PARP8: variants seen among roughly 807,000 people sequenced by gnomAD.
PARP8 encodes poly(ADP-ribose) polymerase family member 8.
PARP8 carries 51 observed loss-of-function variants against 124.1 expected under a neutral mutation model. The ratio of observed to expected loss-of-function variants is 0.41; its 90% CI spans 0.33 to 0.52. The LOEUF is 0.52. PARP8 is among the 20% of genes least tolerant of loss of function. The pLI, the probability that PARP8 is intolerant of heterozygous loss-of-function variation, is 0.21. For missense variants in PARP8, 860 were observed against 1,018.9 expected, an observed-to-expected ratio of 0.84 and a Z score of 2.12; for synonymous variants, 391 against 361.5, an observed-to-expected ratio of 1.08 and a Z score of -0.93.
chr5:50,829,311 C>CT (rs1746689132), intron 21 of PARP8, among the ~76,000 whole-genome samples: 1 of 152,062 alleles, frequency 6.6e-6, no homozygotes, highest in African/African-American at 2.4e-5. Flanking sequence ...AGCTAGATCT[C>CT]ATATTATGAT....
At chr5:50,708,039 C>G (rs573838577) in intron 2 of PARP8, among the ~76,000 whole-genome samples, 40 of 152,148 alleles carry the variant, frequency 2.6e-4, no homozygotes, top group African/African-American at 9.1e-4. Context: ...TTTTCTTCTA[C>G]TTTTTATTTT....
chr5:50,677,614 AT>A (rs1055129232), intron 2 of PARP8, among the ~76,000 whole-genome samples: 2 of 151,752 alleles, frequency 1.3e-5, no homozygotes, highest in African/African-American at 2.4e-5. Context: ...TTTTAAACTT[AT>A]TTTTTTTGTA....
At chr5:50,769,228 A>G (rs1235534136) in intron 7 of PARP8, among the ~76,000 whole-genome samples, 5 of 152,152 alleles carry the variant, frequency 3.3e-5, no homozygotes, top group Non-Finnish European at 7.4e-5. Context: ...TGTTGAAGTA[A>G]TCTGAAAAAC....
intron 2 of PARP8, chr5:50,742,013 T>A: frequency 3.3e-6 from 1 of 305,516 alleles, no homozygotes; most frequent in Non-Finnish European, 6.4e-6. Context: ...TTTTGCCATA[T>A]TGGCCAGGCT....
intron 1 of PARP8, chr5:50,667,571 G>C: frequency 1.4e-6 from 1 of 698,592 alleles, no homozygotes; most frequent in Non-Finnish European, 2.6e-6. Context: ...GCGGCGGCCG[G>C]GAATGGAGCC....
intron 2 of PARP8, among the ~76,000 whole-genome samples, chr5:50,684,366 G>A (rs957582230): frequency 6.6e-6 from 1 of 152,130 alleles, no homozygotes. Flanking sequence ...TTGATCTTAG[G>A]GGGGCTGATT....
intron 2 of PARP8, among the ~76,000 whole-genome samples, chr5:50,713,355 C>A (rs1259503090): frequency 6.6e-6 from 1 of 152,012 alleles, no homozygotes; most frequent in Non-Finnish European, 1.5e-5. Context: ...GTTCTCCCAC[C>A]TCAGCCCTCC....
At chr5:50,747,151 TTTG>T (rs1216466044) in intron 2 of PARP8, among the ~76,000 whole-genome samples, 9 of 16,752 alleles carry the variant, frequency 5.4e-4, no homozygotes, top group South Asian at 1.6e-3. Context: ...GTTTTTTTTG[TTTG>T]TTTGTTTTGT....
intron 12 of PARP8, among the ~76,000 whole-genome samples, chr5:50,796,482 G>T (rs1257140650): frequency 6.6e-6 from 1 of 152,122 alleles, no homozygotes; most frequent in Non-Finnish European, 1.5e-5. Context: ...TCCCATGTTA[G>T]CTTCATCCAA....
intron 2 of PARP8, among the ~76,000 whole-genome samples, chr5:50,678,462 A>G (rs955339104): frequency 2.0e-5 from 3 of 152,174 alleles, no homozygotes; most frequent in South Asian, 2.1e-4. Flanking sequence ...AAGGATATCT[A>G]TGTCTCTCTT....
In PARP8 at chr5:50,821,424, C is replaced by T. The variant is rs1201784521; in HGVS notation, c.1794+86C>T. ...AGATTGTAGTCTCATTAGGTTTCCT[C>T]TTTCTATCTAAATCTCTATCTCATC... is the stretch of plus-strand genomic sequence containing the variant. On this transcript the variant is annotated intron_variant, in intron 16 of 25. Coordinates refer to ENST00000281631, the MANE Select transcript of PARP8 (RefSeq NM_024615.4). 1.1e-5 allele frequency: 16 copies of T among 1,423,888 alleles called. No individual in the cohort carries two copies. The Admixed American group carries it at 2.9e-4, about 25-fold the overall frequency. The allele number at this position is 1,423,888 out of a possible 1,614,324, so 88.2% of individuals were successfully genotyped here.
At chr5:50,791,526 A>G (rs762917733) in intron 10 of PARP8, among the ~76,000 whole-genome samples, 1 of 152,200 alleles carries the variant, frequency 6.6e-6, no homozygotes, top group Non-Finnish European at 1.5e-5. Flanking sequence ...TTGAATGAAT[A>G]TTGAGAGAAT....
intron 9 of PARP8, among the ~76,000 whole-genome samples, chr5:50,779,152 A>G (rs1029704598): frequency 6.6e-6 from 1 of 152,000 alleles, no homozygotes; most frequent in African/African-American, 2.4e-5. Flanking sequence ...TTTACTTGGT[A>G]AAATGTTTTT....
intron 3 of PARP8, among the ~76,000 whole-genome samples, chr5:50,753,284 G>A (rs1240838112): frequency 6.6e-6 from 1 of 151,978 alleles, no homozygotes; most frequent in Admixed American, 6.6e-5. Flanking sequence ...CTTATCCCTA[G>A]TAGAGGAATG....
chr5:50,806,800 A>G (rs1295140580), intron 14 of PARP8, among the ~76,000 whole-genome samples: 1 of 152,092 alleles, frequency 6.6e-6, no homozygotes, highest in Non-Finnish European at 1.5e-5. Flanking sequence ...TTGTATTTAC[A>G]TTGCAATATA....
intron 2 of PARP8, among the ~76,000 whole-genome samples, chr5:50,726,192 C>A (rs186444129): frequency 4.9e-4 from 74 of 151,952 alleles, no homozygotes; most frequent in African/African-American, 1.8e-3. Flanking sequence ...CTTTAATTCC[C>A]TTAGTAGCAC....
intron 4 of PARP8, 54 bp from the exon 5 acceptor site, chr5:50,760,238 G>T: frequency 2.2e-6 from 3 of 1,340,912 alleles, no homozygotes; most frequent in Non-Finnish European, 3.0e-6. Flanking sequence ...ATGAATGCTT[G>T]GTAAATAGCA....
chr5:50,825,079 C>T (rs1561436002), intron 18 of PARP8, 104 bp downstream of exon 18: 2 of 926,832 alleles, frequency 2.2e-6, no homozygotes, highest in African/African-American at 1.7e-5. Context: ...CTTACAAGCC[C>T]TGCAATGCTA....
chr5:50,833,502 T>C, intron 23 of PARP8: 1 of 373,648 alleles, frequency 2.7e-6, no homozygotes, highest in Admixed American at 3.6e-5. Flanking sequence ...GTATAGCTAA[T>C]CTAATATCTG....
Sources: allele counts gnomAD v4.1 joint callset (sites outside exome capture counted in the v4.1 genomes callset), GRCh38; gene constraint gnomAD v4.1.1; transcripts MANE v1.5; gene names NCBI Gene and HGNC (gene_info 2026-07-23, HGNC 2026-07-21).